KMT2A: variants seen among roughly 807,000 people sequenced by gnomAD.
KMT2A encodes histone-lysine N-methyltransferase 2A.
KMT2A carries 16 observed loss-of-function variants against 345.3 expected under a neutral mutation model. That is an observed-to-expected ratio of 0.05 (90% CI 0.03 to 0.07). The LOEUF (loss-of-function observed/expected upper bound fraction) is 0.07, where lower values mean the gene tolerates loss of function less well. KMT2A is among the 10% of genes least tolerant of loss of function. KMT2A has a pLI of 1.00. For synonymous variants in KMT2A, 1,599 were observed against 1,778.6 expected (o/e 0.90, Z 2.54); for missense variants, 3,272 against 4,841.6 (o/e 0.68, Z 9.62).
intron 1 of KMT2A, among the ~76,000 whole-genome samples, chr11:118,455,116 C>G (rs547745): frequency 6.6e-6 from 1 of 152,280 alleles, no homozygotes; most frequent in Middle Eastern, 3.4e-3. Context: ...GCCTCAAACT[C>G]TTGGGCTCAC....
chr11:118,484,712 A>G lies in KMT2A; in HGVS notation c.4219-150A>G, dbSNP rs1042377762. 2 of 649,742 alleles carry G rather than the reference A, an allele frequency of 3.1e-6. No individual in the cohort carries two copies. The highest frequency in any genetic ancestry group is 5.5e-6 in the Non-Finnish European group (2 of 365,470). The allele number at this position is 649,742 out of a possible 1,614,324, so 40.2% of individuals were successfully genotyped here. A position where few individuals can be genotyped will look rare whatever the true frequency, so the allele number is the denominator to read the frequency against. ...TTAATAGTCCGTGTCTGAGATTAAAACTTTTTAAAGCAGCAGTTATTTTTG... is the reference window on the plus strand; with the variant it reads ...TTAATAGTCCGTGTCTGAGATTAAAGCTTTTTAAAGCAGCAGTTATTTTTG... On this transcript the variant is annotated intron_variant, in intron 9 of 35. Transcript: ENST00000534358. The surrounding 1 kb of genome is among the most constrained non-coding windows in gnomAD (Gnocchi z 4.1).
chr11:118,509,905 G>C, intron 29 of KMT2A, 43 bp from the exon 30 acceptor site: 1 of 1,455,220 alleles, frequency 6.9e-7, no homozygotes, highest in Non-Finnish European at 9.4e-7. Flanking sequence ...AGTGCTCAGT[G>C]AGCATTTGTT....
At position 118,490,110 on chromosome 11, in the gene KMT2A, T is replaced by A; in HGVS notation, c.4576-19T>A. On this transcript the variant is annotated intron_variant, in intron 12 of 35. Transcript: ENST00000534358. The surrounding 1 kb of genome is among the most constrained non-coding windows in gnomAD (Gnocchi z 4.2). ...TAAAAACAAGAAATTCCTATTGAAT[T>A]TCTTTTCTTCTTTTCTAGATCTGTA... 1 of 1,597,214 alleles carries A rather than the reference T, an allele frequency of 6.3e-7. No individual in the cohort carries two copies. The highest frequency in any genetic ancestry group is 2.2e-5 in the East Asian group (1 of 44,826).
intron 6 of KMT2A, 30 bp downstream of exon 6, chr11:118,480,268 A>G (rs782383599): frequency 6.3e-7 from 1 of 1,578,802 alleles, no homozygotes; most frequent in South Asian, 1.1e-5. Flanking sequence ...CTTCCCCCAA[A>G]TGCTCCTTGC....
chr11:118,520,872 G>T lies in KMT2A; in HGVS notation c.11500G>T (p.Val3834Phe). The T allele has an allele frequency of 1.2e-6, 2 of 1,612,768 alleles. No individual in the cohort carries two copies. The highest frequency in any genetic ancestry group is 1.7e-6 in the Non-Finnish European group (2 of 1,178,752). ...CTTAAAAAAGACTTCTAAGGAGGCAGTTGGTGTCTACAGGTATGACTAAAA... is the reference window on the plus strand; with the variant it reads ...CTTAAAAAAGACTTCTAAGGAGGCATTTGGTGTCTACAGGTATGACTAAAA... ...RHLKKTSKEAVGVYRSPIHGR... is the reference protein window; with the variant it reads ...RHLKKTSKEAFGVYRSPIHGR... The change falls in exon 34 of 36, where the codon GTT (valine) becomes TTT (phenylalanine). Residue 3834 changes from valine to phenylalanine, a missense_variant. By Grantham distance (50) the Val-to-Phe change is conservative (BLOSUM62 -1). This residue lies in a region of KMT2A where 78 missense variants were observed against 254.5 expected (regional missense o/e 0.31). Coordinates refer to ENST00000534358, the MANE Select transcript of KMT2A (RefSeq NM_001197104.2). This position sits in a 1 kb window ranked among gnomAD's most constrained non-coding sequence, Gnocchi z 4.3.
At position 118,525,431 on chromosome 11, in the gene KMT2A, C is replaced by T. The variant is rs555249560; in HGVS notation, c.*3259C>T. 2 of 227,494 alleles carry T rather than the reference C, an allele frequency of 8.8e-6. No individual in the cohort carries two copies. Among genetic ancestry groups the T allele is most frequent in the East Asian group, 6.3e-5 (1 of 15,902 alleles). The allele number at this position is 227,494 out of a possible 1,614,324, so 14.1% of individuals were successfully genotyped here. On this transcript the variant is annotated 3_prime_UTR_variant, in exon 36 of 36. Coordinates refer to ENST00000534358, the MANE Select transcript of KMT2A (RefSeq NM_001197104.2). ...CCCTCCTTGGCCACCCACCACCTCT[C>T]GCACAGCCCCTCTGTTTTTACACCA...
At chr11:118,463,459 G>A (rs1206894966) in intron 1 of KMT2A, among the ~76,000 whole-genome samples, 8 of 152,184 alleles carry the variant, frequency 5.3e-5, no homozygotes, top group African/African-American at 1.9e-4. Flanking sequence ...GTTGTTCCAC[G>A]AGTATAATTC....
At chr11:118,512,710 T>A (rs189588792) in intron 31 of KMT2A, among the ~76,000 whole-genome samples, 115 of 152,350 alleles carry the variant, frequency 7.5e-4, no homozygotes, top group African/African-American at 2.6e-3. Flanking sequence ...CTGCCAGGTT[T>A]TTTTTCCAAA....
rs1555045733 is a variant in KMT2A at position 118,501,734 on chromosome 11, C to A, written c.6382C>A (p.Pro2128Thr). 6.2e-7 allele frequency: 1 copy of A among 1,613,966 alleles called. No individual in the cohort carries two copies. Among genetic ancestry groups the A allele is most frequent in the African/African-American group, 1.3e-5 (1 of 74,898 alleles). Residue 2128 changes from proline to threonine, a missense_variant, in exon 26 of 36, where the codon CCT becomes ACT. By Grantham distance (38) the Pro-to-Thr change is conservative. Transcript: ENST00000534358. ...EIISPPSPDRPPHSQTSGSCY... is the reference protein window; with the variant it reads ...EIISPPSPDRTPHSQTSGSCY... ...TATAAGTCCTCCATCACCAGACCGA[C>A]CTCCTCATTCACAAACCTCTGGCTC...
At chr11:118,457,530 C>T (rs1197845187) in intron 1 of KMT2A, among the ~76,000 whole-genome samples, 2 of 151,896 alleles carry the variant, frequency 1.3e-5, no homozygotes, top group Non-Finnish European at 2.9e-5. Flanking sequence ...GTTGGCCTCC[C>T]AAAGTGCTGG....
intron 10 of KMT2A, 63 bp downstream of exon 10, chr11:118,485,038 T>C: frequency 1.0e-6 from 1 of 976,466 alleles, no homozygotes; most frequent in African/African-American, 1.6e-5. Flanking sequence ...TGGATGAAAT[T>C]ACTATAGTCT....
chr11:118,502,963 C>T lies in KMT2A; in HGVS notation c.7071C>T (p.Pro2357=), dbSNP rs782762976. Residue 2357 remains proline, a synonymous_variant, in exon 27 of 36, where the codon CCC becomes CCT. Coordinates refer to ENST00000534358, the MANE Select transcript of KMT2A (RefSeq NM_001197104.2). The surrounding 1 kb of genome is among the most constrained non-coding windows in gnomAD (Gnocchi z 4.9). Reference sequence around the variant, plus strand: ...GTAAAATCGGCTCCTTTGCTGAACCCTCTTCAGTGTCGTTTTCTTCTAAAG... The same window carrying T: ...GTAAAATCGGCTCCTTTGCTGAACCTTCTTCAGTGTCGTTTTCTTCTAAAG... ...NVSKIGSFAE[P]SSVSFSSKEA... The T allele has an allele frequency of 4.3e-6, 7 of 1,614,038 alleles. No homozygotes were observed. Among genetic ancestry groups the T allele is most frequent in the South Asian group, 1.1e-5 (1 of 91,078 alleles).
chr11:118,484,807 C>T lies in KMT2A; in HGVS notation c.4219-55C>T. On this transcript the variant is annotated intron_variant, in intron 9 of 35. Transcript: ENST00000534358. The surrounding 1 kb of genome is among the most constrained non-coding windows in gnomAD (Gnocchi z 4.1). Reference sequence around the variant, plus strand: ...TTTTATGCTTTTCATCCTTATTTTCCATCCAAAGTTGTGTAATTGTAAAAC... The same window carrying T: ...TTTTATGCTTTTCATCCTTATTTTCTATCCAAAGTTGTGTAATTGTAAAAC... The T allele has an allele frequency of 8.8e-7, 1 of 1,142,208 alleles. No homozygotes were observed. Among genetic ancestry groups the T allele is most frequent in the South Asian group, 1.3e-5 (1 of 79,574 alleles). The allele number at this position is 1,142,208 out of a possible 1,614,324, so 70.8% of individuals were successfully genotyped here.
rs782470917 is a variant in KMT2A at position 118,507,535 on chromosome 11, A to G, written c.10761A>G (p.Pro3587=). ...TTSLTSGTGT[P]GAEAEQQDTA... ...ACAAATGCCTGTGTTCCAGGACTCCAGGAGCAGAGGCTGAGCAGCAGGATA... is the reference window on the plus strand; with the variant it reads ...ACAAATGCCTGTGTTCCAGGACTCCGGGAGCAGAGGCTGAGCAGCAGGATA... The change falls in exon 28 of 36, where the codon CCA becomes CCG. Residue 3587 remains proline, a synonymous_variant. Coordinates refer to ENST00000534358, the MANE Select transcript of KMT2A (RefSeq NM_001197104.2). 1.9e-6 allele frequency: 3 copies of G among 1,613,988 alleles called. No individual in the cohort carries two copies. In the South Asian group the frequency reaches 3.3e-5, roughly 18 times the overall value.
chr11:118,489,922 C>T (rs782187139), intron 12 of KMT2A, 35 bp downstream of exon 12: 22 of 1,556,944 alleles, frequency 1.4e-5, no homozygotes, highest in Admixed American at 6.7e-5. Flanking sequence ...TTATAGAGAA[C>T]CACCATGTGA....
intron 31 of KMT2A, among the ~76,000 whole-genome samples, chr11:118,513,720 T>C (rs1352329864): frequency 1.3e-5 from 2 of 151,938 alleles, no homozygotes; most frequent in Admixed American, 6.6e-5. Flanking sequence ...TGTTTGAGTC[T>C]AGGAGTTCAA....
intron 1 of KMT2A, among the ~76,000 whole-genome samples, chr11:118,466,502 T>A (rs1475856944): frequency 6.6e-6 from 1 of 152,186 alleles, no homozygotes; most frequent in South Asian, 2.1e-4. Flanking sequence ...AGTAAGAATT[T>A]ACTTAAAATT....
At chr11:118,516,486 T>C (rs1400051025) in intron 31 of KMT2A, among the ~76,000 whole-genome samples, 1 of 152,120 alleles carries the variant, frequency 6.6e-6, no homozygotes, top group Non-Finnish European at 1.5e-5. Context: ...TTAAATTAAC[T>C]ATGTTTTCTA....
chr11:118,526,336 C>G lies in KMT2A; in HGVS notation c.*4164C>G, dbSNP rs1951081471. 4.4e-6 allele frequency: 1 copy of G among 225,034 alleles called. No individual in the cohort carries two copies. The highest frequency in any genetic ancestry group is 5.7e-5 in the Admixed American group (1 of 17,484). The allele number at this position is 225,034 out of a possible 1,614,324, so 13.9% of individuals were successfully genotyped here. A position where few individuals can be genotyped will look rare whatever the true frequency, so the allele number is the denominator to read the frequency against. ...ATTTAGGGGAAAATTGTGTTCTGTG[C>G]TTTCCTGGTATCTTGTTCCGAGGTA... is the stretch of plus-strand genomic sequence containing the variant. On this transcript the variant is annotated 3_prime_UTR_variant, in exon 36 of 36. Transcript: ENST00000534358.
Sources: gnomAD v4.1 joint callset for allele counts (sites outside exome capture counted in the v4.1 genomes callset) on GRCh38, gnomAD v4.1.1 for gene constraint, gnomAD v4.1.1 regional missense constraint, Gnocchi (gnomAD v3.1) non-coding constraint, MANE v1.5 for transcripts, NCBI Gene and HGNC (gene_info 2026-07-23, HGNC 2026-07-21) for gene names.